The following FAAP100 variants were observed in gnomAD, a reference collection of about 807,000 sequenced individuals.
The protein encoded by FAAP100 is Fanconi anemia core complex-associated protein 100.
A neutral mutation model predicts 65.8 loss-of-function variants in FAAP100; 46 were observed. The ratio of observed to expected loss-of-function variants is 0.70; its 90% CI spans 0.55 to 0.89. The LOEUF (loss-of-function observed/expected upper bound fraction) is 0.89, where lower values mean the gene tolerates loss of function less well. FAAP100 is among the 40% of genes least tolerant of loss of function. The pLI is 0.00. For missense variants in FAAP100, 1,165 were observed against 1,196.7 expected (o/e 0.97, Z 0.39); for synonymous variants, 663 against 555.1 (o/e 1.19, Z -2.73).
In FAAP100 at chr17:81,541,057, G is replaced by A. The variant is rs185461779; in HGVS notation, c.2515-107C>T. The A allele has an allele frequency of 5.0e-4, 684 of 1,373,416 alleles. 1 individual carries two copies. The highest frequency in any genetic ancestry group is 6.3e-4 in the Admixed American group (24 of 38,230). 85.1% of individuals were successfully genotyped at this position (1,373,416 alleles called of 1,614,324 possible). ...GCAGGACCCTACTTGGGAAGTGGCA[G>A]GTGGTCCGAGGAAGAACACTCATCC... On this transcript the variant is annotated intron_variant, in intron 8 of 8. Transcript: ENST00000327787.
Position 81,552,323 on chromosome 17 carries a change from C to T in FAAP100, c.8G>A (p.Gly3Asp). 7.2e-7 allele frequency: 1 copy of T among 1,391,384 alleles called. No individual in the cohort carries two copies. Among genetic ancestry groups the T allele is most frequent in the Non-Finnish European group, 9.2e-7 (1 of 1,081,968 alleles). 86.2% of individuals were successfully genotyped at this position (1,391,384 alleles called of 1,614,324 possible). ...CAGGTAGCGGACCCGCGGCGCGGCGCCGGCCATCGTGCGCGCGGGCCCGTC... is the reference window on the plus strand; with the variant it reads ...CAGGTAGCGGACCCGCGGCGCGGCGTCGGCCATCGTGCGCGCGGGCCCGTC... The part of the protein sequence containing the change: MA[G>D]AAPRVRYLAG... Residue 3 changes from glycine (G) to aspartate (D), a missense_variant, in exon 1 of 9, where the codon GGC becomes GAC. Transcript: ENST00000327787.
intron 7 of FAAP100, among the ~76,000 whole-genome samples, chr17:81,543,742 G>C (rs150354584): frequency 5.3e-4 from 80 of 152,308 alleles, no homozygotes; most frequent in African/African-American, 1.7e-3. Context: ...AGCCCGGGCA[G>C]TCCTTGGACT....
At chr17:81,548,467 G>A (rs1429969742) in intron 4 of FAAP100, 3 of 166,230 alleles carry the variant, frequency 1.8e-5, no homozygotes, top group East Asian at 3.3e-4. Flanking sequence ...GGCCGGGCAC[G>A]GTGGCTCACG....
At chr17:81,549,510 G>A in intron 3 of FAAP100, 148 bp from the exon 4 acceptor site, 1 of 1,044,854 alleles carries the variant, frequency 9.6e-7, no homozygotes. Flanking sequence ...CAAGGCAAAT[G>A]CACTGTCCCG....
intron 7 of FAAP100, among the ~76,000 whole-genome samples, 176 bp from the exon 8 acceptor site, chr17:81,541,571 C>T (rs1050980691): frequency 6.6e-5 from 10 of 152,256 alleles, no homozygotes; most frequent in Non-Finnish European, 1.2e-4. Flanking sequence ...ACTTCCTGCC[C>T]TCCAGAGCGG....
intron 7 of FAAP100, among the ~76,000 whole-genome samples, chr17:81,541,994 C>T (rs914364698): frequency 5.3e-5 from 8 of 151,288 alleles, no homozygotes; most frequent in South Asian, 2.1e-4. Flanking sequence ...GGTGAAACCC[C>T]GTCTCTACTA....
At chr17:81,541,520 ACC>A in intron 7 of FAAP100, 125 bp from the exon 8 acceptor site, 1 of 800,066 alleles carries the variant, frequency 1.2e-6, no homozygotes, top group Non-Finnish European at 2.1e-6. Context: ...ACCCCTCCCC[ACC>A]CCAGCGCTTT....
At chr17:81,549,033 C>A (rs2033402873) in intron 4 of FAAP100, among the ~76,000 whole-genome samples, 173 bp downstream of exon 4, 1 of 110,184 alleles carries the variant, frequency 9.1e-6, no homozygotes. Flanking sequence ...GCGTGAGACT[C>A]CGTCTCAGAA....
At position 81,547,026 on chromosome 17, in the gene FAAP100, G is replaced by C; in HGVS notation, c.2056C>G (p.Pro686Ala). The change falls in exon 5 of 9, where the codon CCT becomes GCT. Residue 686 changes from proline to alanine, a missense_variant. By Grantham distance (27) the Pro-to-Ala change is conservative. Transcript: ENST00000327787. ...VATFLETCRE[P>A]GSQPAGPASL... Reference sequence around the variant, plus strand: ...GCGGGTCCTGCTGGCTGGCTGCCAGGCTCCCGACAAGTTTCCAGAAAAGTG... The same window carrying C: ...GCGGGTCCTGCTGGCTGGCTGCCAGCCTCCCGACAAGTTTCCAGAAAAGTG... The C allele has an allele frequency of 2.6e-6, 4 of 1,548,610 alleles. No individual in the cohort carries two copies. Among genetic ancestry groups the C allele is most frequent in the Non-Finnish European group, 3.5e-6 (4 of 1,147,726 alleles).
At chr17:81,552,460 C>T (rs921182919), upstream of FAAP100, 123 of 868,954 alleles carry the variant, frequency 1.4e-4, no homozygotes, top group Non-Finnish European at 1.6e-4. Flanking sequence ...CGGGGGCGGG[C>T]CGGAAAGGAC....
chr17:81,547,245 C>T lies in FAAP100; in HGVS notation c.1837G>A (p.Ala613Thr), dbSNP rs551365852. ...TCCTCAGAGTCTGAGGGGGCAAGGG[C>T]CCCGCCCACCACCTCCCTGAGACTG... ...FYSLREVVGG[A>T]LAPSDSEDPF... is the part of the protein sequence containing the mutation. The change falls in exon 5 of 9, where the codon GCC (alanine) becomes ACC (threonine). Residue 613 changes from alanine to threonine, a missense_variant. Coordinates refer to ENST00000327787, the MANE Select transcript of FAAP100 (RefSeq NM_025161.6). The T allele has an allele frequency of 1.9e-6, 3 of 1,590,656 alleles. No homozygotes were observed. In the South Asian group the frequency reaches 3.4e-5, roughly 18 times the overall value.
chr17:81,542,662 G>A (rs2033158861), intron 7 of FAAP100, among the ~76,000 whole-genome samples: 1 of 152,212 alleles, frequency 6.6e-6, no homozygotes. Flanking sequence ...CCTGGGCGCT[G>A]ACTCAGGCCC....
intron 6 of FAAP100, among the ~76,000 whole-genome samples, chr17:81,544,657 C>T (rs904052012): frequency 6.6e-6 from 1 of 152,222 alleles, no homozygotes; most frequent in African/African-American, 2.4e-5. Flanking sequence ...ATGGCAAGAA[C>T]AGGCCAAGAG....
At chr17:81,542,599 T>A (rs7405749) in intron 7 of FAAP100, among the ~76,000 whole-genome samples, 15,471 of 151,984 alleles carry the variant, frequency 0.1, 1,113 homozygotes, top group Admixed American at 0.27. Context: ...GACACTAAGG[T>A]CTGCAGCCTG....
chr17:81,540,673 T>C lies in FAAP100; in HGVS notation c.*146A>G. 9.0e-7 allele frequency: 1 copy of C among 1,111,820 alleles called. No homozygotes were observed. The highest frequency in any genetic ancestry group is 1.2e-6 in the Non-Finnish European group (1 of 832,762). The allele number at this position is 1,111,820 out of a possible 1,614,324, so 68.9% of individuals were successfully genotyped here. On this transcript the variant is annotated 3_prime_UTR_variant, in exon 9 of 9. Coordinates refer to ENST00000327787, the MANE Select transcript of FAAP100 (RefSeq NM_025161.6). ...GCTCCACGGCCTCCAAGCACTTTCATGAGCGTTCTGCTCCTACGTGGCCAG... is the reference window on the plus strand; with the variant it reads ...GCTCCACGGCCTCCAAGCACTTTCACGAGCGTTCTGCTCCTACGTGGCCAG...
intron 6 of FAAP100, among the ~76,000 whole-genome samples, chr17:81,544,782 G>A (rs933094312): frequency 1.2e-4 from 19 of 152,222 alleles, no homozygotes; most frequent in Admixed American, 2.0e-4. Context: ...CGCCAGCACC[G>A]ACCTGCCGGG....
In FAAP100 at chr17:81,551,151, C is replaced by T. The variant is rs757133205; in HGVS notation, c.343G>A (p.Val115Met). ...DSEDGDQPSP[V>M]IPVDPDACIL... Reference sequence around the variant, plus strand: ...CAGGCATCGGGGTCCACAGGGATCACGGGGGAAGGCTGGTCACCGTCCTCG... The same window carrying T: ...CAGGCATCGGGGTCCACAGGGATCATGGGGGAAGGCTGGTCACCGTCCTCG... The change falls in exon 3 of 9, where the codon GTG becomes ATG. Residue 115 changes from valine to methionine, a missense_variant. Coordinates refer to ENST00000327787, the MANE Select transcript of FAAP100 (RefSeq NM_025161.6). 220 of 1,544,958 alleles carry T rather than the reference C, an allele frequency of 1.4e-4. No homozygotes were observed. Among genetic ancestry groups the T allele is most frequent in the Non-Finnish European group, 1.8e-4 (203 of 1,142,890 alleles).
chr17:81,551,137 G>C lies in FAAP100; in HGVS notation c.357C>G (p.Asp119Glu), dbSNP rs748868138. Residue 119 changes from aspartate (D) to glutamate (E), a missense_variant, in exon 3 of 9, where the codon GAC (aspartate) becomes GAG (glutamate). Transcript: ENST00000327787. ...CATCGGGAAGGATGCAGGCATCGGGGTCCACAGGGATCACGGGGGAAGGCT... is the reference window on the plus strand; with the variant it reads ...CATCGGGAAGGATGCAGGCATCGGGCTCCACAGGGATCACGGGGGAAGGCT... ...GDQPSPVIPV[D>E]PDACILPDAA... is the part of the protein sequence containing the mutation. The C allele has an allele frequency of 1.2e-5, 18 of 1,550,056 alleles. No individual in the cohort carries two copies. Among genetic ancestry groups the C allele is most frequent in the Non-Finnish European group, 1.6e-5 (18 of 1,146,478 alleles).
Position 81,543,948 on chromosome 17 carries a change from G to A in FAAP100, c.2427+56C>T. 2.0e-6 allele frequency: 3 copies of A among 1,503,820 alleles called. No homozygotes were observed. The South Asian group carries it at 3.5e-5, about 18-fold the overall frequency. 93.2% of individuals were successfully genotyped at this position (1,503,820 alleles called of 1,614,324 possible). ...CCAGCAGCTACAGGGTCCCATGCAG[G>A]GACCTTAGTGAGCGACCCACAGATC... On this transcript the variant is annotated intron_variant, in intron 7 of 8. Transcript: ENST00000327787.
Sources: gnomAD v4.1 joint callset for allele counts (sites outside exome capture counted in the v4.1 genomes callset) on GRCh38, gnomAD v4.1.1 for gene constraint, MANE v1.5 for transcripts, NCBI Gene and HGNC (gene_info 2026-07-23, HGNC 2026-07-21) for gene names.